The following PCDHGA11 variants were observed in gnomAD, a reference collection of about 807,000 sequenced individuals.
PCDHGA11 encodes protocadherin gamma-A11.
PCDHGA11 carries 39 observed loss-of-function variants against 60.4 expected under a neutral mutation model. The ratio of observed to expected loss-of-function variants is 0.65; its 90% CI spans 0.50 to 0.84. The LOEUF (loss-of-function observed/expected upper bound fraction) is 0.84. PCDHGA11 is among the 40% of genes least tolerant of loss of function. PCDHGA11 has a pLI of 0.00. For missense variants in PCDHGA11, 1,165 were observed against 1,197.7 expected (o/e 0.97, Z 0.40); for synonymous variants, 533 against 510.3 (o/e 1.04, Z -0.60).
At chr5:141,426,858 T>C (rs898486771) in intron 1 of PCDHGA11, 1 of 456,574 alleles carries the variant, frequency 2.2e-6, no homozygotes, top group Non-Finnish European at 4.4e-6. Context: ...CGCTCCAGAA[T>C]TAGTGCTGGA....
intron 1 of PCDHGA11, among the ~76,000 whole-genome samples, chr5:141,435,303 A>G (rs2097757060): frequency 6.6e-6 from 1 of 152,192 alleles, no homozygotes; most frequent in Admixed American, 6.5e-5. Flanking sequence ...TCATGGTTTT[A>G]AATCATTCAT....
At chr5:141,430,985 G>T (rs773308629) in intron 1 of PCDHGA11, 4 of 1,613,780 alleles carry the variant, frequency 2.5e-6, no homozygotes, top group Non-Finnish European at 3.4e-6. Flanking sequence ...GCAGCTTTTC[G>T]CCCTGAATCC....
intron 1 of PCDHGA11, chr5:141,478,109 T>G: frequency 1.2e-6 from 2 of 1,614,086 alleles, no homozygotes; most frequent in Non-Finnish European, 8.5e-7. Flanking sequence ...CCTCACTGTG[T>G]CAGTAACCGA....
intron 1 of PCDHGA11, among the ~76,000 whole-genome samples, chr5:141,467,075 C>A (rs2099136382): frequency 6.9e-6 from 1 of 145,470 alleles, no homozygotes; most frequent in Non-Finnish European, 1.5e-5. Flanking sequence ...TTTTTTTAGA[C>A]CAAGTCTCAC....
At position 141,489,072 on chromosome 5, in the gene PCDHGA11, A is replaced by AC; in HGVS notation, c.2434-5730dup. The AC allele has an allele frequency of 1.3e-5, 2 of 157,710 alleles. No homozygotes were observed. Among genetic ancestry groups the AC allele is most frequent in the Non-Finnish European group, 1.2e-5 (1 of 83,996 alleles). 9.8% of individuals were successfully genotyped at this position (157,710 alleles called of 1,614,324 possible). A position where few individuals can be genotyped will look rare whatever the true frequency, so the allele number is the denominator to read the frequency against. On this transcript the variant is annotated intron_variant, in intron 1 of 3. Transcript: ENST00000398587. This position sits in a 1 kb window ranked among gnomAD's most constrained non-coding sequence, Gnocchi z 4.5. The stretch of plus-strand genomic sequence containing the variant: ...AATTCAGCTCCCCTCCCCCCTGCCC[A>AC]CCCCCGCCACTCGGTGACTAAGAAC...
At chr5:141,500,546 G>A (rs1428503967) in intron 2 of PCDHGA11, among the ~76,000 whole-genome samples, 1 of 152,126 alleles carries the variant, frequency 6.6e-6, no homozygotes, top group African/African-American at 2.4e-5. Context: ...ACCTAAATAA[G>A]TTGTTCACAA....
chr5:141,422,919 G>C lies in PCDHGA11; in HGVS notation c.1692G>C (p.Leu564=), dbSNP rs1445179310. 9 of 1,614,120 alleles carry C rather than the reference G, an allele frequency of 5.6e-6. No individual in the cohort carries two copies. Among genetic ancestry groups the C allele is most frequent in the Non-Finnish European group, 6.8e-6 (8 of 1,180,048 alleles). The change falls in exon 1 of 4, where the codon CTG becomes CTC. Residue 564 remains leucine (L), a synonymous_variant. Coordinates refer to ENST00000398587, the MANE Select transcript of PCDHGA11 (RefSeq NM_018914.3). Reference sequence around the variant, plus strand: ...AGAACGACAATGCGCCCGAGATCCTGTACCCTGCCCTCCCCACAGACGGCT... The same window carrying C: ...AGAACGACAATGCGCCCGAGATCCTCTACCCTGCCCTCCCCACAGACGGCT... ...LDQNDNAPEI[L]YPALPTDGST...
intron 2 of PCDHGA11, among the ~76,000 whole-genome samples, chr5:141,502,905 A>T (rs1364939091): frequency 1.5e-5 from 2 of 131,814 alleles, no homozygotes; most frequent in Non-Finnish European, 3.0e-5. Flanking sequence ...CTCTGTTGCC[A>T]GGCTGGAGTG....
intron 3 of PCDHGA11, 137 bp from the exon 4 acceptor site, chr5:141,510,810 A>T: frequency 6.6e-7 from 1 of 1,519,768 alleles, no homozygotes; most frequent in African/African-American, 1.4e-5. Context: ...TACCTTGGTG[A>T]CCCCTATATT....
At chr5:141,469,233 C>T (rs2099194657) in intron 1 of PCDHGA11, among the ~76,000 whole-genome samples, 1 of 149,878 alleles carries the variant, frequency 6.7e-6, no homozygotes, top group African/African-American at 2.5e-5. Context: ...GCCATGATCA[C>T]CCCACTGCAC....
chr5:141,494,751 G>C (rs2099756509), intron 1 of PCDHGA11, 56 bp from the exon 2 acceptor site: 2 of 1,613,426 alleles, frequency 1.2e-6, no homozygotes, highest in African/African-American at 1.3e-5. Flanking sequence ...AGGGGCTCGG[G>C]TGACATTCTA....
In PCDHGA11 at chr5:141,431,414, G is replaced by A. The variant is rs1184197093; in HGVS notation, c.2433+7754G>A. On this transcript the variant is annotated intron_variant, in intron 1 of 3. Coordinates refer to ENST00000398587, the MANE Select transcript of PCDHGA11 (RefSeq NM_018914.3). The surrounding 1 kb of genome is among the most constrained non-coding windows in gnomAD (Gnocchi z 4.8). ...GGTCCTTACGGCCTCCGACGGGGGC[G>A]ACCCGGTGCGCACAGGCACCGCGCG... The A allele has an allele frequency of 6.2e-7, 1 of 1,613,658 alleles. No homozygotes were observed. The highest frequency in any genetic ancestry group is 1.7e-5 in the Admixed American group (1 of 60,026).
chr5:141,422,470 T>C lies in PCDHGA11; in HGVS notation c.1243T>C (p.Leu415=). The C allele has an allele frequency of 6.2e-7, 1 of 1,613,440 alleles. No homozygotes were observed. The highest frequency in any genetic ancestry group is 8.5e-7 in the Non-Finnish European group (1 of 1,179,762). Residue 415 remains leucine, a synonymous_variant, in exon 1 of 4, where the codon TTG becomes CTG. Transcript: ENST00000398587. ...AACAAGCAGAGTGCTGGACAGGGAG[T>C]TGGTCCAGAGCTACAATATAACGTT... ...LITSRVLDRE[L]VQSYNITLTA...
intron 1 of PCDHGA11, chr5:141,426,791 C>T (rs2096960403): frequency 2.2e-6 from 1 of 456,574 alleles, no homozygotes; most frequent in Non-Finnish European, 4.4e-6. Context: ...TCCAGAGTTA[C>T]CAGCTCAGTT....
rs2099183566 is a variant in PCDHGA11, at chr5:141,468,861, A to G, written c.2434-25946A>G. 3.9e-5 allele frequency among the ~76,000 whole-genome samples: 6 copies of G among 152,168 alleles called. No homozygotes were observed. In the South Asian group the frequency reaches 1.2e-3, roughly 32 times the overall value. On this transcript the variant is annotated intron_variant, in intron 1 of 3. Coordinates refer to ENST00000398587, the MANE Select transcript of PCDHGA11 (RefSeq NM_018914.3). ...AGCCTGGGCAACAGAGCGAGACTCCATCTCAAAAATAATAATAATAATAAT... is the reference window on the plus strand; with the variant it reads ...AGCCTGGGCAACAGAGCGAGACTCCGTCTCAAAAATAATAATAATAATAAT...
rs748105196 is a variant in PCDHGA11 at position 141,486,849 on chromosome 5, A to G, written c.2434-7958A>G. ...GTTCGTCTATTTGTGCTGGACCTCA[A>G]TGACAATGCTCCAGCTGTGCTCCGT... is the stretch of plus-strand genomic sequence containing the variant. On this transcript the variant is annotated intron_variant, in intron 1 of 3. Coordinates refer to ENST00000398587, the MANE Select transcript of PCDHGA11 (RefSeq NM_018914.3). The surrounding 1 kb of genome is among the most constrained non-coding windows in gnomAD (Gnocchi z 5.0). 4.3e-6 allele frequency: 7 copies of G among 1,614,110 alleles called. No individual in the cohort carries two copies. The highest frequency in any genetic ancestry group is 5.1e-6 in the Non-Finnish European group (6 of 1,180,036).
chr5:141,487,818 G>T lies in PCDHGA11; in HGVS notation c.2434-6989G>T, dbSNP rs1009237001. The T allele has an allele frequency of 1.2e-5, 16 of 1,331,602 alleles. No homozygotes were observed. Among genetic ancestry groups the T allele is most frequent in the Non-Finnish European group, 1.4e-5 (14 of 970,528 alleles). The allele number at this position is 1,331,602 out of a possible 1,614,324, so 82.5% of individuals were successfully genotyped here. On this transcript the variant is annotated intron_variant, in intron 1 of 3. Transcript: ENST00000398587. This position sits in a 1 kb window ranked among gnomAD's most constrained non-coding sequence, Gnocchi z 5.0. Reference sequence around the variant, plus strand: ...GAGTTGTCACAGTTTAGCATTGGGGGCGGGTCATGCCTATATCTGAGTAAG... The same window carrying T: ...GAGTTGTCACAGTTTAGCATTGGGGTCGGGTCATGCCTATATCTGAGTAAG...
intron 2 of PCDHGA11, among the ~76,000 whole-genome samples, chr5:141,495,912 CTT>C (rs1210428397): frequency 6.6e-6 from 1 of 152,140 alleles, no homozygotes; most frequent in Admixed American, 6.6e-5. Flanking sequence ...CTCTGTATAT[CTT>C]TCTTTGTCTC....
At chr5:141,448,999 GT>G (rs910018882) in intron 1 of PCDHGA11, among the ~76,000 whole-genome samples, 2 of 151,816 alleles carry the variant, frequency 1.3e-5, no homozygotes, top group African/African-American at 4.8e-5. Context: ...ATAGAAAGCT[GT>G]TTTTTTTAAC....
Sources: allele counts gnomAD v4.1 joint callset (sites outside exome capture counted in the v4.1 genomes callset), GRCh38; gene constraint gnomAD v4.1.1; non-coding constraint Gnocchi (gnomAD v3.1); transcripts MANE v1.5; gene names NCBI Gene and HGNC (gene_info 2026-07-23, HGNC 2026-07-21).